Variants in SORCS3 observed in about 807,000 individuals in gnomAD.
SORCS3 encodes VPS10 domain-containing receptor SorCS3.
In SORCS3, 57 loss-of-function variants were observed where a neutral mutation model predicts 146.3. The ratio of observed to expected loss-of-function variants is 0.39; its 90% CI spans 0.31 to 0.49. SORCS3 has a LOEUF of 0.49. Ranked by LOEUF, SORCS3 falls within the 20% of genes least tolerant of loss-of-function variation. The pLI is 0.92. For synonymous variants in SORCS3, 653 were observed against 618.5 expected (o/e 1.06, Z -0.83); for missense variants, 1,341 against 1,575.5 (o/e 0.85, Z 2.52).
intron 3 of SORCS3, among the ~76,000 whole-genome samples, chr10:104,944,845 G>A (rs1049875084): frequency 6.6e-6 from 1 of 152,050 alleles, no homozygotes; most frequent in Non-Finnish European, 1.5e-5. Flanking sequence ...GTACTCTTAG[G>A]TATAATATCA....
At chr10:105,075,013 G>A (rs1049450957) in intron 5 of SORCS3, among the ~76,000 whole-genome samples, 11 of 152,072 alleles carry the variant, frequency 7.2e-5, no homozygotes, top group Non-Finnish European at 8.8e-5. Flanking sequence ...AATACACCTG[G>A]TTCCTTTTTC....
At position 104,764,637 on chromosome 10, in the gene SORCS3, G is replaced by A. The variant is rs147154211; in HGVS notation, c.628-78155G>A. On this transcript the variant is annotated intron_variant, in intron 1 of 26. Transcript: ENST00000369701. ...TATTCTAGATGCTTGAGCCAAGAAG[G>A]TAATGAAGTATTAGCTTCTCAAAGC... Among the ~76,000 whole-genome samples the A allele has an allele frequency of 1.1e-3, 165 of 152,312 alleles. 3 individuals are homozygous for A. The East Asian group carries it at 0.024, about 23-fold the overall frequency.
At chr10:104,999,647 C>A (rs953684915) in intron 4 of SORCS3, among the ~76,000 whole-genome samples, 1 of 152,108 alleles carries the variant, frequency 6.6e-6, no homozygotes, top group African/African-American at 2.4e-5. Context: ...CTTCTGAAAA[C>A]CCTGATCTAC....
chr10:104,671,143 T>C (rs552739998), intron 1 of SORCS3, among the ~76,000 whole-genome samples: 201 of 151,794 alleles, frequency 1.3e-3, no homozygotes, highest in Middle Eastern at 6.8e-3. Flanking sequence ...TTTTTTTTCT[T>C]GCCGAATTGC....
At chr10:105,223,388 A>G in intron 20 of SORCS3, 139 bp downstream of exon 20, 2 of 760,634 alleles carry the variant, frequency 2.6e-6, no homozygotes, top group East Asian at 2.8e-5. Flanking sequence ...ACAAAATTGA[A>G]TAAAACATAC....
chr10:104,816,928 A>G (rs2017804148), intron 1 of SORCS3, among the ~76,000 whole-genome samples: 1 of 152,152 alleles, frequency 6.6e-6, no homozygotes, highest in East Asian at 1.9e-4. Flanking sequence ...TACAGCTGCT[A>G]GAGTTTGGAG....
At chr10:105,144,011 A>G (rs568065303) in intron 8 of SORCS3, among the ~76,000 whole-genome samples, 47 of 152,294 alleles carry the variant, frequency 3.1e-4, no homozygotes, top group African/African-American at 1.1e-3. Context: ...TGATCATGCA[A>G]GGATCCCTAT....
chr10:104,850,963 CT>C (rs1312533109), intron 2 of SORCS3, among the ~76,000 whole-genome samples: 1 of 152,224 alleles, frequency 6.6e-6, no homozygotes, highest in Non-Finnish European at 1.5e-5. Flanking sequence ...TTGCTGTTCA[CT>C]GATGGATATT....
At chr10:104,735,073 A>C (rs2016751870) in intron 1 of SORCS3, among the ~76,000 whole-genome samples, 1 of 152,192 alleles carries the variant, frequency 6.6e-6, no homozygotes, top group South Asian at 2.1e-4. Flanking sequence ...GAATGGGTAG[A>C]GTGTAAATTC....
At chr10:104,940,491 C>T (rs1403373670) in intron 3 of SORCS3, among the ~76,000 whole-genome samples, 7 of 148,028 alleles carry the variant, frequency 4.7e-5, no homozygotes, top group South Asian at 2.2e-4. Context: ...CAACATGCGG[C>T]GTTCGCTTTT....
chr10:105,065,148 T>C (rs2055514886), intron 5 of SORCS3, among the ~76,000 whole-genome samples: 1 of 152,114 alleles, frequency 6.6e-6, no homozygotes, highest in Non-Finnish European at 1.5e-5. Flanking sequence ...TAGCCCTGGT[T>C]AGTAGCCTAA....
At chr10:105,226,426 T>C (rs1333489945) in intron 20 of SORCS3, among the ~76,000 whole-genome samples, 1 of 151,940 alleles carries the variant, frequency 6.6e-6, no homozygotes, top group Non-Finnish European at 1.5e-5. Flanking sequence ...TGATGTATAT[T>C]TTTTTCTGAC....
intron 20 of SORCS3, among the ~76,000 whole-genome samples, chr10:105,227,831 A>G (rs964647851): frequency 4.0e-5 from 6 of 150,374 alleles, no homozygotes; most frequent in African/African-American, 1.5e-4. Context: ...ATTTTTTTTT[A>G]CTTAAAGTTT....
intron 4 of SORCS3, among the ~76,000 whole-genome samples, chr10:104,994,562 C>G (rs1038598196): frequency 3.3e-5 from 5 of 152,154 alleles, no homozygotes; most frequent in Non-Finnish European, 2.9e-5. Flanking sequence ...AATCCGTCAC[C>G]TTCAAAAGTT....
At position 104,641,385 on chromosome 10, in the gene SORCS3, A is replaced by G; in HGVS notation, c.58A>G (p.Thr20Ala). Residue 20 changes from threonine to alanine, a missense_variant, in exon 1 of 27, where the codon ACG (threonine) becomes GCG (alanine). Thr to Ala is a moderately conservative substitution (Grantham distance 58). Coordinates refer to ENST00000369701, the MANE Select transcript of SORCS3 (RefSeq NM_014978.3). The surrounding 1 kb of genome is among the most constrained non-coding windows in gnomAD (Gnocchi z 6.4). The stretch of plus-strand genomic sequence containing the variant: ...CAGGCCGGGGGCGCCGCTTGTCCGG[A>G]CGGGGCTCCTACTCTTGTCGACGTG... ...AGRPGAPLVR[T>A]GLLLLSTWVL... The G allele has an allele frequency of 2.1e-6, 3 of 1,440,158 alleles. No homozygotes were observed. Among genetic ancestry groups the G allele is most frequent in the Admixed American group, 2.6e-5 (1 of 38,190 alleles). The allele number at this position is 1,440,158 out of a possible 1,614,324, so 89.2% of individuals were successfully genotyped here. A position where few individuals can be genotyped will look rare whatever the true frequency, so the allele number is the denominator to read the frequency against.
chr10:105,253,090 C>T (rs575538361), intron 23 of SORCS3, among the ~76,000 whole-genome samples, 184 bp downstream of exon 23: 5 of 152,228 alleles, frequency 3.3e-5, no homozygotes, highest in African/African-American at 1.2e-4. Context: ...CATTCAGCTA[C>T]TCAGAAAGGA....
At chr10:105,228,078 G>T (rs2056744661) in intron 20 of SORCS3, among the ~76,000 whole-genome samples, 1 of 149,970 alleles carries the variant, frequency 6.7e-6, no homozygotes, top group African/African-American at 2.5e-5. Flanking sequence ...CTTTACTGAG[G>T]AAAGTTAATT....
chr10:104,915,676 G>A (rs2019019236), intron 2 of SORCS3, among the ~76,000 whole-genome samples, 157 bp from the exon 3 acceptor site: 2 of 152,304 alleles, frequency 1.3e-5, no homozygotes, highest in Non-Finnish European at 1.5e-5. Flanking sequence ...TAGTCTAATT[G>A]CTCTTCTAAA....
chr10:105,097,296 G>A (rs1269064982), intron 6 of SORCS3, among the ~76,000 whole-genome samples: 7 of 152,156 alleles, frequency 4.6e-5, no homozygotes, highest in African/African-American at 1.7e-4. Flanking sequence ...GTTTAAACAG[G>A]GCAAAGCCAA....
Sources: allele counts gnomAD v4.1 joint callset (sites outside exome capture counted in the v4.1 genomes callset), GRCh38; gene constraint gnomAD v4.1.1; non-coding constraint Gnocchi (gnomAD v3.1); transcripts MANE v1.5; gene names NCBI Gene and HGNC (gene_info 2026-07-23, HGNC 2026-07-21).